Variants in KIDINS220 observed in about 807,000 individuals in gnomAD.
KIDINS220 encodes the protein kinase D interacting substrate 220, also known as kinase D-interacting substrate of 220 kDa.
Under a neutral mutation model 157.6 loss-of-function variants are expected in KIDINS220, and 63 were observed. That is an observed-to-expected ratio of 0.40 (90% CI 0.33 to 0.49). The LOEUF is 0.49. KIDINS220 is among the 20% of genes least tolerant of loss of function. KIDINS220 has a pLI of 0.66. For missense variants in KIDINS220, 1,772 were observed against 2,171.2 expected (o/e 0.82, Z 3.65); for synonymous variants, 732 against 783.6 (o/e 0.93, Z 1.10).
At chr2:8,807,225 G>C (rs1360611165) in intron 6 of KIDINS220, among the ~76,000 whole-genome samples, 1 of 152,176 alleles carries the variant, frequency 6.6e-6, no homozygotes, top group Non-Finnish European at 1.5e-5. Flanking sequence ...GCACTCAAAA[G>C]CACCTTTCCC....
chr2:8,747,779 T>C (rs2148035345), intron 25 of KIDINS220, 108 bp downstream of exon 25: 1 of 541,390 alleles, frequency 1.8e-6, no homozygotes, highest in Non-Finnish European at 3.0e-6. Context: ...TAAAACTATG[T>C]ATAAAATCAG....
intron 20 of KIDINS220, 72 bp downstream of exon 20, chr2:8,778,567 G>C: frequency 1.1e-6 from 1 of 951,702 alleles, no homozygotes; most frequent in Middle Eastern, 2.1e-4. Flanking sequence ...TATTATTTAA[G>C]TGGCATCATC....
In KIDINS220 at chr2:8,750,134, G is replaced by A; in HGVS notation, c.3392C>T (p.Pro1131Leu). 1 of 1,614,124 alleles carries A rather than the reference G, an allele frequency of 6.2e-7. No homozygotes were observed. Among genetic ancestry groups the A allele is most frequent in the Non-Finnish European group, 8.5e-7 (1 of 1,179,972 alleles). ...TACCCTGTTGTAGAAGGGATGCTGA[G>A]GGCCCGTCATGCCGCTGTAATAGCT... ...HSSYYSGMTG[P>L]QHPFYNRPFF... Residue 1131 changes from proline (P) to leucine (L), a missense_variant, in exon 24 of 30, where the codon CCT becomes CTT. Coordinates refer to ENST00000256707, the MANE Select transcript of KIDINS220 (RefSeq NM_020738.4).
In KIDINS220 at chr2:8,736,978, G is replaced by A. The variant is rs1357702560; in HGVS notation, c.3607C>T (p.Pro1203Ser). 2 of 1,614,054 alleles carry A rather than the reference G, an allele frequency of 1.2e-6. No individual in the cohort carries two copies. Among genetic ancestry groups the A allele is most frequent in the Non-Finnish European group, 1.7e-6 (2 of 1,180,008 alleles). ...TTCAGTGAATTCAGTAATACCACTG[G>A]GCCTGGGGCTGGGCCTGACCCCTAG... is the stretch of plus-strand genomic sequence containing the variant. ...SSRGSGPAPG[P>S]VVLLNSLNVD... The change falls in exon 27 of 30, where the codon CCA becomes TCA. Residue 1203 changes from proline (P) to serine (S), a missense_variant. By Grantham distance (74) the Pro-to-Ser change is moderately conservative. This residue lies in a region of KIDINS220 where 793 missense variants were observed against 885.5 expected (regional missense o/e 0.90). Coordinates refer to ENST00000256707, the MANE Select transcript of KIDINS220 (RefSeq NM_020738.4).
chr2:8,757,795 T>C, intron 22 of KIDINS220: 1 of 1,601,330 alleles, frequency 6.2e-7, no homozygotes, highest in Non-Finnish European at 8.5e-7. Context: ...CATCTGTGTT[T>C]GAATAATAAC....
At chr2:8,799,091 G>A (rs920336649) in intron 9 of KIDINS220, among the ~76,000 whole-genome samples, 2 of 151,664 alleles carry the variant, frequency 1.3e-5, no homozygotes, top group African/African-American at 2.4e-5. Context: ...GGCCCTACCC[G>A]CCTCCCATTT....
Position 8,779,685 on chromosome 2 carries a change from T to C in KIDINS220, c.2359A>G (p.Met787Val). 6.2e-7 allele frequency: 1 copy of C among 1,614,014 alleles called. No individual in the cohort carries two copies. The highest frequency in any genetic ancestry group is 8.5e-7 in the Non-Finnish European group (1 of 1,179,886). The change falls in exon 18 of 30, where the codon ATG becomes GTG. Residue 787 changes from methionine to valine, a missense_variant. By Grantham distance (21) the Met-to-Val change is conservative. Transcript: ENST00000256707. ...DACEQDKVLQ[M>V]LDTVRVLFSK... ...TGGCGCAAACGTACAGTGTCCAGCA[T>C]CTGAAGGACTTTGTCCTGCTCACAG...
Position 8,730,689 on chromosome 2 carries a change from C to A in KIDINS220, c.*31G>T. On this transcript the variant is annotated 3_prime_UTR_variant, in exon 30 of 30. Transcript: ENST00000256707. ...CCAGGACAATTCTGTCATAAAGGTA[C>A]AGTAACACTCTTCTCCTTTGCTTGT... The A allele has an allele frequency of 1.3e-6, 2 of 1,596,598 alleles. No individual in the cohort carries two copies. Among genetic ancestry groups the A allele is most frequent in the South Asian group, 1.1e-5 (1 of 87,912 alleles).
rs1218423318 is a variant in KIDINS220, at chr2:8,802,981, C to G, written c.750G>C (p.Glu250Asp). The G allele has an allele frequency of 6.2e-7, 1 of 1,613,960 alleles. No homozygotes were observed. Among genetic ancestry groups the G allele is most frequent in the South Asian group, 1.1e-5 (1 of 91,080 alleles). Residue 250 changes from glutamate to aspartate, a missense_variant, in exon 8 of 30, where the codon GAG becomes GAC. This residue lies in a region of KIDINS220 where 725 missense variants were observed against 1,017.1 expected (regional missense o/e 0.71). Coordinates refer to ENST00000256707, the MANE Select transcript of KIDINS220 (RefSeq NM_020738.4). ...CAGCGTCGAGCAGATCCTGCACAAT[C>G]TCCGTATGTCCCTCCTTTGATGCAA... ...LMIASKEGHT[E>D]IVQDLLDAGT...
intron 9 of KIDINS220, among the ~76,000 whole-genome samples, chr2:8,798,665 A>C (rs1003014249): frequency 5.3e-5 from 8 of 152,218 alleles, no homozygotes; most frequent in Non-Finnish European, 1.2e-4. Flanking sequence ...ACATGCTGTA[A>C]GTATTGCCCA....
At chr2:8,796,708 C>T in intron 11 of KIDINS220, 63 bp downstream of exon 11, 1 of 1,215,410 alleles carries the variant, frequency 8.2e-7, no homozygotes, top group African/African-American at 1.5e-5. Flanking sequence ...TAAATCCACT[C>T]CATATAGAGG....
At chr2:8,808,389 G>C (rs557385249) in intron 6 of KIDINS220, among the ~76,000 whole-genome samples, 1 of 152,102 alleles carries the variant, frequency 6.6e-6, no homozygotes, top group Non-Finnish European at 1.5e-5. Context: ...AATATCTATT[G>C]TATTGGATTT....
intron 24 of KIDINS220, among the ~76,000 whole-genome samples, chr2:8,748,553 G>A (rs1009678007): frequency 2.0e-5 from 3 of 152,026 alleles, no homozygotes; most frequent in Non-Finnish European, 4.4e-5. Flanking sequence ...TTTAAAAAAC[G>A]TGGGGAATCC....
At chr2:8,735,604 A>C (rs1664754229) in intron 27 of KIDINS220, among the ~76,000 whole-genome samples, 1 of 152,238 alleles carries the variant, frequency 6.6e-6, no homozygotes, top group South Asian at 2.1e-4. Flanking sequence ...CCCCTAAATG[A>C]AACAACAGCA....
chr2:8,749,443 G>C (rs754849697), intron 24 of KIDINS220: 3 of 455,746 alleles, frequency 6.6e-6, no homozygotes, highest in South Asian at 4.7e-5. Flanking sequence ...ATTAGTGTTT[G>C]AGGTCATTAA....
In KIDINS220 at chr2:8,818,777, A is replaced by G. The variant is rs1401576831; in HGVS notation, c.125T>C (p.Leu42Pro). 1.9e-6 allele frequency: 3 copies of G among 1,606,998 alleles called. No individual in the cohort carries two copies. The African/African-American group carries it at 4.0e-5, about 21-fold the overall frequency. Reference protein sequence around the residue: ...DERNECGQTPLMIAAEQGNLE... With the variant: ...DERNECGQTPPMIAAEQGNLE... Reference sequence around the variant, plus strand: ...ATTGCCTTGTTCGGCAGCTATCATCAGTGGAGTCTGGCCACACTAGAGAAT... The same window carrying G: ...ATTGCCTTGTTCGGCAGCTATCATCGGTGGAGTCTGGCCACACTAGAGAAT... Residue 42 changes from leucine (L) to proline (P), a missense_variant, in exon 3 of 30, where the codon CTG becomes CCG. Transcript: ENST00000256707.
At chr2:8,807,050 G>A (rs1053067571) in intron 6 of KIDINS220, among the ~76,000 whole-genome samples, 1 of 152,126 alleles carries the variant, frequency 6.6e-6, no homozygotes, top group African/African-American at 2.4e-5. Flanking sequence ...AACTAAAGTG[G>A]CCTAACCACT....
chr2:8,767,456 A>G (rs1049781537), intron 22 of KIDINS220, among the ~76,000 whole-genome samples: 4 of 152,192 alleles, frequency 2.6e-5, no homozygotes, highest in African/African-American at 9.7e-5. Flanking sequence ...TATCAGTACA[A>G]AGGATGGACT....
At chr2:8,737,123 T>C (rs890180334) in intron 26 of KIDINS220, 124 bp from the exon 27 acceptor site, 2 of 921,628 alleles carry the variant, frequency 2.2e-6, no homozygotes, top group Non-Finnish European at 3.2e-6. Context: ...AACAAATATG[T>C]TTAGCATGGT....
Sources: allele counts gnomAD v4.1 joint callset (sites outside exome capture counted in the v4.1 genomes callset), GRCh38; gene constraint gnomAD v4.1.1; regional missense constraint gnomAD v4.1.1; transcripts MANE v1.5; gene names NCBI Gene and HGNC (gene_info 2026-07-23, HGNC 2026-07-21).